SGCZ: variants seen among roughly 807,000 people sequenced by gnomAD.
SGCZ encodes the protein sarcoglycan zeta, also known as zeta-sarcoglycan.
Under a neutral mutation model 41.3 loss-of-function variants are expected in SGCZ, and 40 were observed. The observed-to-expected ratio is 0.97, with a 90% CI of 0.75 to 1.26. The LOEUF is 1.26. SGCZ is among the 50% of genes most tolerant of loss of function. The pLI is 0.00. For missense variants in SGCZ, 552 were observed against 369.8 expected (o/e 1.49, Z -4.04); for synonymous variants, 206 against 137.5 (o/e 1.50, Z -3.49).
chr8:14,575,913 C>CAAAAAAAAAAAAAAAAA (rs66656586), intron 1 of SGCZ, among the ~76,000 whole-genome samples: 27 of 100,004 alleles, frequency 2.7e-4, no homozygotes, highest in East Asian at 5.8e-4. Flanking sequence ...CTCAAAATAA[C>CAAAAAAAAAAAAAAAAA]AAAAAAAAAA....
intron 1 of SGCZ, among the ~76,000 whole-genome samples, chr8:14,555,614 A>T (rs941919546): frequency 1.3e-5 from 2 of 151,968 alleles, no homozygotes; most frequent in Non-Finnish European, 1.5e-5. Context: ...CGTCTCAAAT[A>T]TTTTTTTATA....
chr8:14,091,844 T>A (rs190668966), intron 7 of SGCZ, among the ~76,000 whole-genome samples: 46 of 152,280 alleles, frequency 3.0e-4, no homozygotes, highest in Middle Eastern at 3.4e-3. Context: ...TTAGATCCCA[T>A]TTGTCGTCAC....
intron 2 of SGCZ, among the ~76,000 whole-genome samples, chr8:14,431,126 A>G (rs1479372103): frequency 6.6e-6 from 1 of 152,198 alleles, no homozygotes; most frequent in Non-Finnish European, 1.5e-5. Context: ...AAAGCAATCT[A>G]CAAATTCAAT....
chr8:14,369,799 T>C (rs1803846956), intron 2 of SGCZ, among the ~76,000 whole-genome samples: 1 of 151,990 alleles, frequency 6.6e-6, no homozygotes, highest in Non-Finnish European at 1.5e-5. Context: ...AATTGCCCAA[T>C]TAATTAAATA....
chr8:14,775,624 T>G (rs1045270008), intron 1 of SGCZ, among the ~76,000 whole-genome samples: 1 of 152,132 alleles, frequency 6.6e-6, no homozygotes, highest in Non-Finnish European at 1.5e-5. Context: ...ACAGTACATA[T>G]GAGGTACATG....
rs185291858 is a variant in SGCZ, at chr8:14,093,120, T to C, written c.745-2483A>G. 7.1e-3 allele frequency among the ~76,000 whole-genome samples: 1,085 copies of C among 152,176 alleles called. 5 individuals are homozygous for C. The highest frequency in any genetic ancestry group is 0.012 in the Non-Finnish European group (789 of 68,002). On this transcript the variant is annotated intron_variant, in intron 7 of 7. Transcript: ENST00000382080. ...CAGCTGTTTCTTGTTTCCACTGATA[T>C]ATAGCTTATGATTGTCTGAAGGGTA...
intron 1 of SGCZ, among the ~76,000 whole-genome samples, chr8:15,118,806 C>A (rs148294184): frequency 4.6e-5 from 7 of 152,168 alleles, no homozygotes; most frequent in African/African-American, 1.7e-4. Context: ...CATTTGATAG[C>A]CCTGCAGATC....
intron 1 of SGCZ, among the ~76,000 whole-genome samples, chr8:14,795,223 A>G (rs1801084922): frequency 1.3e-5 from 2 of 152,192 alleles, no homozygotes; most frequent in South Asian, 4.1e-4. Context: ...ACAATTATTG[A>G]CTAAAGCATA....
At chr8:14,299,495 A>T (rs936167056) in intron 3 of SGCZ, among the ~76,000 whole-genome samples, 1 of 152,028 alleles carries the variant, frequency 6.6e-6, no homozygotes, top group African/African-American at 2.4e-5. Flanking sequence ...AATAATGAAC[A>T]AAAATTTAAA....
intron 3 of SGCZ, among the ~76,000 whole-genome samples, chr8:14,247,104 G>A (rs1799124170): frequency 1.3e-5 from 2 of 152,098 alleles, no homozygotes; most frequent in African/African-American, 4.8e-5. Context: ...AAGTAATGCA[G>A]AAGAGAGATA....
intron 1 of SGCZ, among the ~76,000 whole-genome samples, chr8:15,194,048 A>G (rs936132143): frequency 2.0e-5 from 3 of 152,194 alleles, no homozygotes; most frequent in African/African-American, 7.2e-5. Flanking sequence ...CCCTTATGGA[A>G]AAACATTTTT....
intron 1 of SGCZ, among the ~76,000 whole-genome samples, chr8:14,944,103 G>T (rs972409258): frequency 6.6e-6 from 1 of 152,042 alleles, no homozygotes; most frequent in African/African-American, 2.4e-5. Flanking sequence ...ATAATTCAAC[G>T]TCTAACTTAG....
intron 1 of SGCZ, among the ~76,000 whole-genome samples, chr8:15,061,991 G>T (rs1403892105): frequency 6.6e-6 from 1 of 152,160 alleles, no homozygotes; most frequent in Non-Finnish European, 1.5e-5. Context: ...ATTTTCCAAA[G>T]TTTATTATCT....
intron 2 of SGCZ, among the ~76,000 whole-genome samples, chr8:14,349,545 T>C (rs1228483395): frequency 6.6e-6 from 1 of 152,122 alleles, no homozygotes; most frequent in Non-Finnish European, 1.5e-5. Context: ...ATGTGTCATC[T>C]TTACCTATTC....
chr8:14,336,585 A>G (rs1802514674), intron 2 of SGCZ, among the ~76,000 whole-genome samples: 1 of 152,140 alleles, frequency 6.6e-6, no homozygotes, highest in Non-Finnish European at 1.5e-5. Flanking sequence ...TTTTCTTTGC[A>G]ACTTCGCCAG....
At chr8:15,016,114 C>T (rs1436905857) in intron 1 of SGCZ, among the ~76,000 whole-genome samples, 1 of 152,190 alleles carries the variant, frequency 6.6e-6, no homozygotes, top group East Asian at 1.9e-4. Flanking sequence ...TTGCTCCCAA[C>T]ATTAATCCAG....
At chr8:14,638,843 C>A (rs752944382) in intron 1 of SGCZ, among the ~76,000 whole-genome samples, 1 of 151,716 alleles carries the variant, frequency 6.6e-6, no homozygotes, top group African/African-American at 2.4e-5. Flanking sequence ...ACATTATTTT[C>A]TTTTATTTCA....
Position 14,927,801 on chromosome 8 carries a change from C to T in SGCZ, c.39+309784G>A, listed in dbSNP as rs548512857. On this transcript the variant is annotated intron_variant, in intron 1 of 7. Coordinates refer to ENST00000382080, the MANE Select transcript of SGCZ (RefSeq NM_139167.4). ...TCTTGCCTTATTAAAGGGTTAACTT[C>T]TAGTCTGACCCTATGTTTCTTCTTT... Among the ~76,000 whole-genome samples the T allele has an allele frequency of 9.1e-4, 138 of 152,166 alleles. 1 individual carries two copies. The highest frequency in any genetic ancestry group is 1.6e-3 in the Non-Finnish European group (110 of 68,038).
intron 1 of SGCZ, among the ~76,000 whole-genome samples, chr8:14,937,895 AT>A (rs1445104275): frequency 6.6e-6 from 1 of 152,150 alleles, no homozygotes; most frequent in South Asian, 2.1e-4. Context: ...TGATGAATGA[AT>A]AAGTAATATA....
Sources: allele counts gnomAD v4.1 joint callset (sites outside exome capture counted in the v4.1 genomes callset), GRCh38; gene constraint gnomAD v4.1.1; transcripts MANE v1.5; gene names NCBI Gene and HGNC (gene_info 2026-07-23, HGNC 2026-07-21).